Variants in KIF6 observed in about 807,000 individuals in gnomAD.
KIF6 encodes kinesin-like protein KIF6.
In KIF6, 106 loss-of-function variants were observed where a neutral mutation model predicts 112.7. The ratio of observed to expected loss-of-function variants is 0.94; its 90% CI spans 0.80 to 1.11. The LOEUF (loss-of-function observed/expected upper bound fraction) is 1.11, where lower values mean the gene tolerates loss of function less well. Among genes scored for constraint, KIF6 ranks in the 50% least tolerant of loss-of-function variants. KIF6 has a pLI of 0.00. For missense variants in KIF6, 929 were observed against 964.0 expected (o/e 0.96, Z 0.48); for synonymous variants, 339 against 339.9 (o/e 1.00, Z 0.03).
intron 13 of KIF6, among the ~76,000 whole-genome samples, chr6:39,444,628 C>A (rs1030093979): frequency 6.6e-6 from 1 of 152,126 alleles, no homozygotes; most frequent in Non-Finnish European, 1.5e-5. Context: ...AGATGTTGGG[C>A]TCTATACCTC....
chr6:39,678,309 C>T (rs1187721975), intron 3 of KIF6, among the ~76,000 whole-genome samples: 3 of 152,200 alleles, frequency 2.0e-5, no homozygotes, highest in African/African-American at 7.2e-5. Flanking sequence ...TGGGTATATA[C>T]CCAAATGAGT....
intron 22 of KIF6, among the ~76,000 whole-genome samples, chr6:39,337,939 A>C (rs1423559644): frequency 6.6e-6 from 1 of 152,226 alleles, no homozygotes; most frequent in East Asian, 1.9e-4. Context: ...ATGGACCAGC[A>C]GTGCTGGCAT....
At chr6:39,578,636 A>T in intron 9 of KIF6, among the ~76,000 whole-genome samples, 1 of 151,964 alleles carries the variant, frequency 6.6e-6, no homozygotes, top group East Asian at 1.9e-4. Flanking sequence ...AGCCTCTATA[A>T]TTTTTTTTAA....
At chr6:39,337,929 A>T (rs1004776156) in intron 22 of KIF6, among the ~76,000 whole-genome samples, 1 of 152,222 alleles carries the variant, frequency 6.6e-6, no homozygotes, top group African/African-American at 2.4e-5. Flanking sequence ...AATGTGGTCC[A>T]TGGACCAGCA....
Position 39,631,273 on chromosome 6 carries a change from T to C in KIF6, c.509+3576A>G, listed in dbSNP as rs146655260. Among the ~76,000 whole-genome samples the C allele has an allele frequency of 3.2e-3, 491 of 152,086 alleles. 1 individual carries two copies. Among genetic ancestry groups the C allele is most frequent in the Non-Finnish European group, 5.6e-3 (382 of 67,900 alleles). On this transcript the variant is annotated intron_variant, in intron 5 of 22. Transcript: ENST00000287152. ...GATATTTTAGTAGACAATATGTATG[T>C]CTTTTCTTGTTTTTCTTTTACTGAA...
intron 3 of KIF6, among the ~76,000 whole-genome samples, chr6:39,640,903 T>C (rs1365913403): frequency 6.6e-6 from 1 of 152,148 alleles, no homozygotes; most frequent in East Asian, 1.9e-4. Flanking sequence ...TTGTTGGTGC[T>C]TACAAATTTA....
chr6:39,590,445 A>T (rs1447401430), intron 7 of KIF6, among the ~76,000 whole-genome samples: 9 of 121,900 alleles, frequency 7.4e-5, no homozygotes, highest in African/African-American at 2.9e-4. Context: ...ATATATATAT[A>T]TATATATTTT....
chr6:39,533,838 C>T (rs1409096819), intron 13 of KIF6, among the ~76,000 whole-genome samples: 6 of 152,212 alleles, frequency 3.9e-5, no homozygotes, highest in East Asian at 1.9e-4. Flanking sequence ...ACACCTCACA[C>T]GGCCGGGTAC....
intron 3 of KIF6, among the ~76,000 whole-genome samples, chr6:39,702,661 C>T (rs190903427): frequency 4.9e-4 from 75 of 152,216 alleles, no homozygotes; most frequent in East Asian, 4.6e-3. Context: ...CTCAGCCTCC[C>T]GAAGTGGTGG....
At chr6:39,548,200 G>A (rs1038610662) in intron 10 of KIF6, among the ~76,000 whole-genome samples, 1 of 152,174 alleles carries the variant, frequency 6.6e-6, no homozygotes, top group African/African-American at 2.4e-5. Flanking sequence ...TCTAGGAAAC[G>A]TTCTCTGAAG....
chr6:39,386,958 G>C (rs752002065), intron 15 of KIF6, among the ~76,000 whole-genome samples: 1 of 152,122 alleles, frequency 6.6e-6, no homozygotes, highest in Non-Finnish European at 1.5e-5. Flanking sequence ...TACCTCCAAG[G>C]CTATAGCTGA....
intron 5 of KIF6, among the ~76,000 whole-genome samples, chr6:39,630,789 T>C (rs921021524): frequency 1.1e-4 from 16 of 152,050 alleles, no homozygotes; most frequent in African/African-American, 3.6e-4. Context: ...CATCATTATA[T>C]ATAATGTTAC....
chr6:39,605,725 AC>A (rs1782849748), intron 6 of KIF6, among the ~76,000 whole-genome samples: 1 of 152,078 alleles, frequency 6.6e-6, no homozygotes, highest in African/African-American at 2.4e-5. Flanking sequence ...CGAAGAAAGA[AC>A]TCTAGAAGCA....
chr6:39,348,912 C>T (rs1281416425), intron 19 of KIF6, among the ~76,000 whole-genome samples: 3 of 152,168 alleles, frequency 2.0e-5, no homozygotes, highest in Non-Finnish European at 1.5e-5. Flanking sequence ...CGGCTCTGAC[C>T]GGGCACTGAC....
intron 10 of KIF6, among the ~76,000 whole-genome samples, chr6:39,559,579 T>C (rs1779903336): frequency 6.6e-6 from 1 of 152,094 alleles, no homozygotes. Flanking sequence ...GATGGCCAGG[T>C]AGAGATTGCA....
At chr6:39,580,510 A>G (rs927835558) in intron 9 of KIF6, among the ~76,000 whole-genome samples, 3 of 152,104 alleles carry the variant, frequency 2.0e-5, no homozygotes, top group Non-Finnish European at 4.4e-5. Context: ...TAGGACTTCC[A>G]AGTTCAATTC....
intron 10 of KIF6, among the ~76,000 whole-genome samples, chr6:39,571,041 A>C (rs1780611979): frequency 6.6e-6 from 1 of 152,188 alleles, no homozygotes; most frequent in Admixed American, 6.5e-5. Flanking sequence ...CATCACTTTT[A>C]ACCTTCCTCT....
intron 13 of KIF6, among the ~76,000 whole-genome samples, chr6:39,511,477 C>G (rs1365324358): frequency 6.6e-6 from 1 of 152,152 alleles, no homozygotes; most frequent in African/African-American, 2.4e-5. Context: ...AACAGGAAAA[C>G]TTTTACATTG....
At chr6:39,410,982 A>C (rs1334749662) in intron 15 of KIF6, among the ~76,000 whole-genome samples, 2 of 152,222 alleles carry the variant, frequency 1.3e-5, no homozygotes, top group Admixed American at 1.3e-4. Context: ...CCAAAGCAGC[A>C]CATGCTTAAG....
Sources: gnomAD v4.1 joint callset for allele counts (sites outside exome capture counted in the v4.1 genomes callset) on GRCh38, gnomAD v4.1.1 for gene constraint, MANE v1.5 for transcripts, NCBI Gene and HGNC (gene_info 2026-07-23, HGNC 2026-07-21) for gene names.